The following DGKH variants were observed in gnomAD, a reference collection of about 807,000 sequenced individuals.
DGKH encodes the protein DAG kinase eta.
In DGKH, 90 loss-of-function variants were observed where a neutral mutation model predicts 159.3. The ratio of observed to expected loss-of-function variants is 0.57; its 90% CI spans 0.48 to 0.67. DGKH has a LOEUF of 0.67. Ranked by LOEUF, DGKH falls within the 30% of genes least tolerant of loss-of-function variation. The pLI is 0.00. For missense variants in DGKH, 1,181 were observed against 1,506.1 expected (o/e 0.78, Z 3.57); for synonymous variants, 536 against 553.8 (o/e 0.97, Z 0.45).
chr13:42,167,224 A>G (rs1400959325), intron 9 of DGKH, among the ~76,000 whole-genome samples: 1 of 152,170 alleles, frequency 6.6e-6, no homozygotes, highest in Non-Finnish European at 1.5e-5. Context: ...GGGAAAATAT[A>G]CCTTTTGGCA....
intron 29 of DGKH, among the ~76,000 whole-genome samples, chr13:42,250,074 G>A (rs545819168): frequency 8.6e-5 from 13 of 151,584 alleles, no homozygotes; most frequent in African/African-American, 2.4e-4. Flanking sequence ...GGGTTCAAGC[G>A]ATTCTCCTGC....
chr13:42,155,839 C>A (rs745720508), intron 5 of DGKH, 40 bp downstream of exon 5: 2 of 1,610,570 alleles, frequency 1.2e-6, no homozygotes, highest in Non-Finnish European at 1.7e-6. Flanking sequence ...CCAACAGTAA[C>A]CATACTGTAG....
intron 1 of DGKH, chr13:42,069,663 G>T: frequency 8.1e-7 from 1 of 1,241,274 alleles, no homozygotes; most frequent in Non-Finnish European, 1.1e-6. Flanking sequence ...CTTTCCAATT[G>T]GAAAGATCTG....
chr13:42,168,895 T>C, intron 11 of DGKH, 77 bp downstream of exon 11: 1 of 1,425,832 alleles, frequency 7.0e-7, no homozygotes, highest in Non-Finnish European at 9.3e-7. Flanking sequence ...TCTTAATAAA[T>C]ATTTATTAAT....
intron 1 of DGKH, 67 bp downstream of exon 1, chr13:42,049,032 T>C (rs1166323965): frequency 9.7e-7 from 1 of 1,027,670 alleles, no homozygotes; most frequent in East Asian, 9.0e-5. Flanking sequence ...GCGGGGGCGC[T>C]GGAACGCGCC....
At chr13:42,218,798 C>T (rs1957880900) in intron 26 of DGKH, among the ~76,000 whole-genome samples, 1 of 152,230 alleles carries the variant, frequency 6.6e-6, no homozygotes, top group Non-Finnish European at 1.5e-5. Flanking sequence ...CATGAGCTAT[C>T]ATGCCCAGCC....
At chr13:42,040,941 C>G (rs1321683962) in intron 1 of DGKH, among the ~76,000 whole-genome samples, 1 of 150,814 alleles carries the variant, frequency 6.6e-6, no homozygotes, top group Admixed American at 6.6e-5. Flanking sequence ...TGGGAGGAAC[C>G]GGTGGGTACC....
In DGKH at chr13:42,168,479, T is replaced by C. The variant is rs747919793; in HGVS notation, c.1158T>C (p.Leu386=). The C allele has an allele frequency of 8.1e-6, 13 of 1,614,190 alleles. No individual in the cohort carries two copies. Among genetic ancestry groups the C allele is most frequent in the Non-Finnish European group, 1.1e-5 (13 of 1,180,010 alleles). Residue 386 remains leucine, a synonymous_variant, in exon 10 of 30, where the codon CTT becomes CTC. Transcript: ENST00000337343. ...LFQKFDNFRI[L]VCGGDGSVGW... is the part of the protein sequence containing the mutation. ...AGAAGTTTGACAATTTCCGGATTCT[T>C]GTTTGTGGAGGCGATGGAAGTGTAG...
chr13:42,125,183 A>G (rs182684081), intron 1 of DGKH, among the ~76,000 whole-genome samples: 2 of 152,316 alleles, frequency 1.3e-5, no homozygotes, highest in Admixed American at 6.5e-5. Context: ...CTTGTCTCCT[A>G]TAACCTCCTC....
intron 7 of DGKH, among the ~76,000 whole-genome samples, 179 bp downstream of exon 7, chr13:42,160,315 C>T (rs1956149052): frequency 6.6e-6 from 1 of 152,216 alleles, no homozygotes; most frequent in Non-Finnish European, 1.5e-5. Flanking sequence ...GTCATTGTTT[C>T]AAATGCCCTG....
chr13:42,207,137 CCTTCCTTCCTTCCT>C lies in DGKH; in HGVS notation c.2601+992_2601+1005del, dbSNP rs1957522083. ...TCTCTTTCTCTCTCCTTCCTTCCTT[CCTTCCTTCCTTCCT>C]TCCTTCCTTCCTTCCTTCCTTCCTT... On this transcript the variant is annotated intron_variant, in intron 21 of 29. Transcript: ENST00000337343. Among the ~76,000 whole-genome samples, 136 of 33,920 alleles carry C rather than the reference CCTTCCTTCCTTCCT, an allele frequency of 4.0e-3. 15 individuals carry two copies. The highest frequency in any genetic ancestry group is 0.033 in the South Asian group (27 of 822). 22.3% of individuals were successfully genotyped at this position (33,920 alleles called of 152,430 possible).
Position 42,209,092 on chromosome 13 carries a change from C to A in DGKH, c.2715+20C>A. On this transcript the variant is annotated intron_variant, in intron 22 of 29. Coordinates refer to ENST00000337343, the MANE Select transcript of DGKH (RefSeq NM_178009.5). The stretch of plus-strand genomic sequence containing the variant: ...GCCCAGGTTGGTTTCTCTCGTCAAA[C>A]CTGACTGCACTTCTTGGGCTAAGGA... 2 of 1,595,080 alleles carry A rather than the reference C, an allele frequency of 1.3e-6. No individual in the cohort carries two copies. Among genetic ancestry groups the A allele is most frequent in the Non-Finnish European group, 1.7e-6 (2 of 1,166,046 alleles).
At chr13:42,084,483 A>G (rs1373125551) in intron 1 of DGKH, among the ~76,000 whole-genome samples, 1 of 152,160 alleles carries the variant, frequency 6.6e-6, no homozygotes, top group Admixed American at 6.5e-5. Context: ...GTTATTCACA[A>G]TAGCCTCATT....
At chr13:42,244,326 C>T (rs1255714469), downstream of DGKH, among the ~76,000 whole-genome samples, 2 of 152,182 alleles carry the variant, frequency 1.3e-5, no homozygotes, top group African/African-American at 2.4e-5. Context: ...AGGGGGCGCT[C>T]TCCCGATGGT....
At chr13:42,113,147 AG>A (rs1954898013) in intron 1 of DGKH, among the ~76,000 whole-genome samples, 1 of 152,202 alleles carries the variant, frequency 6.6e-6, no homozygotes, top group African/African-American at 2.4e-5. Flanking sequence ...AATGTGTTTT[AG>A]GAAGATTTTG....
At chr13:42,171,828 C>CT (rs541194131) in intron 11 of DGKH, among the ~76,000 whole-genome samples, 58 of 102,390 alleles carry the variant, frequency 5.7e-4, no homozygotes, top group African/African-American at 1.9e-3. Context: ...ATATAAATTT[C>CT]TTTTTTTTTT....
intron 1 of DGKH, among the ~76,000 whole-genome samples, chr13:42,086,474 C>A (rs1017213776): frequency 1.3e-5 from 2 of 152,122 alleles, no homozygotes; most frequent in Non-Finnish European, 2.9e-5. Context: ...GTTTTGTATA[C>A]TGAGGAAAAA....
chr13:42,198,184 T>C (rs1433560874), intron 17 of DGKH, among the ~76,000 whole-genome samples: 19 of 152,220 alleles, frequency 1.2e-4, no homozygotes, highest in Admixed American at 1.2e-3. Flanking sequence ...AAAATGTATT[T>C]GTTATAGAAT....
intron 3 of DGKH, among the ~76,000 whole-genome samples, chr13:42,148,399 C>A (rs1388346770): frequency 6.6e-6 from 1 of 152,160 alleles, no homozygotes; most frequent in Non-Finnish European, 1.5e-5. Context: ...TAGCAAGTCC[C>A]ATGAATTCTA....
Sources: gnomAD v4.1 joint callset for allele counts (sites outside exome capture counted in the v4.1 genomes callset) on GRCh38, gnomAD v4.1.1 for gene constraint, MANE v1.5 for transcripts, NCBI Gene and HGNC (gene_info 2026-07-23, HGNC 2026-07-21) for gene names.